Variants in RMND5A observed in about 807,000 individuals in gnomAD.
The protein encoded by RMND5A is E3 ubiquitin-protein transferase RMND5A.
A neutral mutation model predicts 49.7 loss-of-function variants in RMND5A; 17 were observed. That is an observed-to-expected ratio of 0.34 (90% CI 0.23 to 0.51). The LOEUF is 0.51. RMND5A is among the 20% of genes least tolerant of loss of function. The probability of loss-of-function intolerance (pLI) is 0.96; values close to 1 mark genes in which losing one functional copy is unlikely to be tolerated. For synonymous variants in RMND5A, 156 were observed against 167.7 expected (o/e 0.93, Z 0.54); for missense variants, 255 against 471.3 (o/e 0.54, Z 4.25).
intron 8 of RMND5A, 148 bp downstream of exon 8, chr2:86,771,860 A>G (rs1672690462): frequency 4.6e-6 from 3 of 647,238 alleles, no homozygotes; most frequent in East Asian, 5.5e-5. Context: ...AGTTGGTGGT[A>G]TCTGATTTGA....
chr2:86,750,235 T>A (rs546255528), intron 2 of RMND5A, among the ~76,000 whole-genome samples: 1 of 152,374 alleles, frequency 6.6e-6, no homozygotes, highest in Admixed American at 6.5e-5. Flanking sequence ...TGATGTTTCA[T>A]GTTCCTTCTG....
In RMND5A at chr2:86,751,907, T is replaced by C; in HGVS notation, c.297T>C (p.Ser99=). 6.2e-7 allele frequency: 1 copy of C among 1,611,174 alleles called. No homozygotes were observed. Among genetic ancestry groups the C allele is most frequent in the Non-Finnish European group, 8.5e-7 (1 of 1,178,488 alleles). The change falls in exon 3 of 9, where the codon TCT becomes TCC. Residue 99 remains serine (S), a synonymous_variant. Transcript: ENST00000283632. ...TTTCTTTTCCCCAGAATTTTGATTC[T>C]GACATTAGCAGTGTGGGAATAGATG... ...VGKAIDKNFD[S]DISSVGIDGC... is the part of the protein sequence containing the mutation.
chr2:86,753,729 G>A (rs948141103), intron 4 of RMND5A, among the ~76,000 whole-genome samples, 171 bp downstream of exon 4: 1 of 152,214 alleles, frequency 6.6e-6, no homozygotes, highest in African/African-American at 2.4e-5. Flanking sequence ...TATGGGGGGT[G>A]TGCAATATGA....
At position 86,726,607 on chromosome 2, in the gene RMND5A, A is replaced by C. The variant is rs1362071706; in HGVS notation, c.142+5798A>C. Among the ~76,000 whole-genome samples, 2 of 76,468 alleles carry C rather than the reference A, an allele frequency of 2.6e-5. 1 individual carries two copies. The highest frequency in any genetic ancestry group is 5.3e-5 in the Non-Finnish European group (2 of 37,644). The allele number at this position is 76,468 out of a possible 152,430, so 50.2% of individuals were successfully genotyped here. A position where few individuals can be genotyped will look rare whatever the true frequency, so the allele number is the denominator to read the frequency against. On this transcript the variant is annotated intron_variant, in intron 1 of 8. Coordinates refer to ENST00000283632, the MANE Select transcript of RMND5A (RefSeq NM_022780.4). ...GTTATTTAGGCCATTTTAGGTGGTA[A>C]GAATAAAAAGTCAGTATATTGGTGT...
chr2:86,760,469 T>G (rs1672451837), intron 4 of RMND5A, among the ~76,000 whole-genome samples: 1 of 152,272 alleles, frequency 6.6e-6, no homozygotes, highest in South Asian at 2.1e-4. Flanking sequence ...TCAGTCACCA[T>G]GATGTATTAA....
At chr2:86,753,286 T>G (rs190523418) in intron 3 of RMND5A, among the ~76,000 whole-genome samples, 172 bp from the exon 4 acceptor site, 202 of 152,306 alleles carry the variant, frequency 1.3e-3, no homozygotes, top group Non-Finnish European at 2.2e-3. Flanking sequence ...ATTTGGGGAT[T>G]CTACTATGGA....
intron 2 of RMND5A, chr2:86,748,623 C>T (rs1226359088): frequency 2.6e-5 from 4 of 152,032 alleles, no homozygotes; most frequent in South Asian, 2.1e-4. Flanking sequence ...ATATTAGACT[C>T]TTTTTGTAAT....
chr2:86,762,736 CATATATAT>C, intron 4 of RMND5A, among the ~76,000 whole-genome samples: 1 of 71,724 alleles, frequency 1.4e-5, no homozygotes. Context: ...TCATATATAT[CATATATAT>C]ATATCACACT....
At chr2:86,771,736 T>C (rs1012912461) in intron 8 of RMND5A, 24 bp downstream of exon 8, 2 of 1,583,454 alleles carry the variant, frequency 1.3e-6, no homozygotes, top group East Asian at 2.3e-5. Context: ...TTTTAAAAAA[T>C]GTTAGCAAAT....
chr2:86,770,756 A>G (rs998923124), intron 7 of RMND5A, among the ~76,000 whole-genome samples: 1 of 152,228 alleles, frequency 6.6e-6, no homozygotes, highest in Non-Finnish European at 1.5e-5. Flanking sequence ...TAACATAAGC[A>G]TGCTTAGAAT....
chr2:86,760,965 A>AGG (rs1553427588), intron 4 of RMND5A, among the ~76,000 whole-genome samples: 6 of 145,442 alleles, frequency 4.1e-5, no homozygotes, highest in Non-Finnish European at 6.1e-5. Context: ...GAGAGAGAGA[A>AGG]GTGTGTGTGT....
Position 86,773,606 on chromosome 2 carries a change from A to G in RMND5A, c.*195A>G. The G allele has an allele frequency of 2.4e-6, 1 of 415,352 alleles. No homozygotes were observed. Among genetic ancestry groups the G allele is most frequent in the Non-Finnish European group, 4.3e-6 (1 of 230,356 alleles). 25.7% of individuals were successfully genotyped at this position (415,352 alleles called of 1,614,324 possible). A position where few individuals can be genotyped will look rare whatever the true frequency, so the allele number is the denominator to read the frequency against. On this transcript the variant is annotated 3_prime_UTR_variant, in exon 9 of 9. Transcript: ENST00000283632. Reference sequence around the variant, plus strand: ...GTGAATATTATCATAGGGCTTTATTATATTCTTGGTCTTCATTTCTGATCA... The same window carrying G: ...GTGAATATTATCATAGGGCTTTATTGTATTCTTGGTCTTCATTTCTGATCA...
In RMND5A at chr2:86,773,323, T is replaced by A. The variant is rs143328635; in HGVS notation, c.1113-25T>A. ...CACAGTACTGAGCCTGCTCCTTCAC[T>A]CAGTGTTTTCTTCTTTGTCTTTAGA... is the stretch of plus-strand genomic sequence containing the variant. On this transcript the variant is annotated intron_variant, in intron 8 of 8. Transcript: ENST00000283632. The A allele has an allele frequency of 1.3e-5, 19 of 1,478,292 alleles. No homozygotes were observed. The African/African-American group carries it at 2.5e-4, about 19-fold the overall frequency. The allele number at this position is 1,478,292 out of a possible 1,614,324, so 91.6% of individuals were successfully genotyped here. A position where few individuals can be genotyped will look rare whatever the true frequency, so the allele number is the denominator to read the frequency against.
chr2:86,759,572 A>T (rs1433178644), intron 4 of RMND5A, among the ~76,000 whole-genome samples: 2 of 152,014 alleles, frequency 1.3e-5, no homozygotes, highest in African/African-American at 2.4e-5. Flanking sequence ...TTTTAAAAAA[A>T]TTATAGAGTT....
rs540877612 is a variant in RMND5A, at chr2:86,769,678, GTT to G, written c.855-334_855-333del. 4.2e-3 allele frequency among the ~76,000 whole-genome samples: 619 copies of G among 146,056 alleles called. 5 individuals carry two copies. The highest frequency in any genetic ancestry group is 0.015 in the African/African-American group (593 of 40,380). ...AAAGTTAAATTACCCTAGCAGATGA[GTT>G]TTTTTTTTTTAACGTTTGCGTTCTT... On this transcript the variant is annotated intron_variant, in intron 6 of 8. Coordinates refer to ENST00000283632, the MANE Select transcript of RMND5A (RefSeq NM_022780.4).
In RMND5A at chr2:86,777,922, TATA is replaced by T. The variant is rs1269786649; in HGVS notation, c.*4515_*4517del. ...ATTTAATTTATAAATTTCGGACTGA[TATA>T]ATAGAGTTTTGGAAAACTATAAGAA... On this transcript the variant is annotated 3_prime_UTR_variant, in exon 9 of 9. Coordinates refer to ENST00000283632, the MANE Select transcript of RMND5A (RefSeq NM_022780.4). 2 of 152,236 alleles carry T rather than the reference TATA, an allele frequency of 1.3e-5. No individual in the cohort carries two copies. The highest frequency in any genetic ancestry group is 2.9e-5 in the Non-Finnish European group (2 of 68,038). The allele number at this position is 152,236 out of a possible 1,614,324, so 9.4% of individuals were successfully genotyped here.
intron 4 of RMND5A, among the ~76,000 whole-genome samples, chr2:86,754,980 A>G (rs952671360): frequency 1.3e-5 from 2 of 152,192 alleles, no homozygotes; most frequent in African/African-American, 4.8e-5. Flanking sequence ...TCACTTAAGA[A>G]CTGTATCTCT....
chr2:86,769,839 G>A (rs1464152105), intron 6 of RMND5A, among the ~76,000 whole-genome samples, 184 bp from the exon 7 acceptor site: 3 of 152,136 alleles, frequency 2.0e-5, no homozygotes, highest in African/African-American at 7.2e-5. Flanking sequence ...AAGAAGGGGA[G>A]GGAAAACAAG....
chr2:86,765,055 A>G lies in RMND5A; in HGVS notation c.550A>G (p.Ile184Val), dbSNP rs763065216. Reference sequence around the variant, plus strand: ...GGCAGTGTCAAACCGGGAAATGCTTATAGCTCAAAACAGCTCCTTGGAATT... The same window carrying G: ...GGCAGTGTCAAACCGGGAAATGCTTGTAGCTCAAAACAGCTCCTTGGAATT... ...EWAVSNREML[I>V]AQNSSLEFKL... Residue 184 changes from isoleucine (I) to valine (V), a missense_variant, in exon 5 of 9, where the codon ATA becomes GTA. Ile to Val is a conservative substitution (Grantham distance 29, BLOSUM62 3). Coordinates refer to ENST00000283632, the MANE Select transcript of RMND5A (RefSeq NM_022780.4). The G allele has an allele frequency of 1.2e-6, 2 of 1,609,952 alleles. No individual in the cohort carries two copies. The highest frequency in any genetic ancestry group is 2.2e-5 in the South Asian group (2 of 90,218).
Sources: gnomAD v4.1 joint callset for allele counts (sites outside exome capture counted in the v4.1 genomes callset) on GRCh38, gnomAD v4.1.1 for gene constraint, MANE v1.5 for transcripts, NCBI Gene and HGNC (gene_info 2026-07-23, HGNC 2026-07-21) for gene names.